The following PFDN1 variants were observed in gnomAD, a reference collection of about 807,000 sequenced individuals.
The protein encoded by PFDN1 is prefoldin subunit 1.
Under a neutral mutation model 17.3 loss-of-function variants are expected in PFDN1, and 6 were observed. The ratio of observed to expected loss-of-function variants is 0.35; its 90% CI spans 0.19 to 0.69. The LOEUF is 0.69. Ranked by LOEUF, PFDN1 falls within the 30% of genes least tolerant of loss-of-function variation. The pLI is 0.65. For synonymous variants in PFDN1, 58 were observed against 50.1 expected (o/e 1.16, Z -0.67); for missense variants, 113 against 146.2 (o/e 0.77, Z 1.17).
chr5:140,247,279 A>AT (rs1764844196), intron 3 of PFDN1, among the ~76,000 whole-genome samples: 1 of 149,470 alleles, frequency 6.7e-6, no homozygotes, highest in South Asian at 2.1e-4. Flanking sequence ...GTGTACCACC[A>AT]TGCCCGGCTA....
At chr5:140,250,482 A>G (rs774388029) in intron 3 of PFDN1, among the ~76,000 whole-genome samples, 1 of 152,032 alleles carries the variant, frequency 6.6e-6, no homozygotes, top group Non-Finnish European at 1.5e-5. Context: ...AATACTCCCT[A>G]TTCTCCTCAC....
rs1561488674 is a variant in PFDN1, at chr5:140,245,498, AAAGAG to A, written c.*471_*475del. On this transcript the variant is annotated 3_prime_UTR_variant, in exon 4 of 4. Transcript: ENST00000261813. The stretch of plus-strand genomic sequence containing the variant: ...CGTTAGTCAAAGGTACAGGAAGGGA[AAAGAG>A]AAGAGGGCAAGGCCCATCCCCCAAG... The A allele has an allele frequency of 4.3e-6, 3 of 702,618 alleles. No homozygotes were observed. Among genetic ancestry groups the A allele is most frequent in the Non-Finnish European group, 7.8e-6 (3 of 385,004 alleles). The allele number at this position is 702,618 out of a possible 1,614,324, so 43.5% of individuals were successfully genotyped here.
intron 3 of PFDN1, among the ~76,000 whole-genome samples, chr5:140,248,091 C>T (rs1422970413): frequency 5.1e-5 from 7 of 137,956 alleles, no homozygotes; most frequent in African/African-American, 8.2e-5. Context: ...TTTTTTGAGA[C>T]GGAATCTCGC....
intron 2 of PFDN1, among the ~76,000 whole-genome samples, chr5:140,286,411 C>CAAAAAAAAAAAA (rs70988742): frequency 3.6e-5 from 3 of 83,508 alleles, no homozygotes; most frequent in African/African-American, 5.1e-5. Flanking sequence ...GACTCTGTCT[C>CAAAAAAAAAAAA]AAAAAAAAAA....
chr5:140,275,849 C>T (rs1446783709), intron 3 of PFDN1, among the ~76,000 whole-genome samples: 1 of 152,012 alleles, frequency 6.6e-6, no homozygotes, highest in Non-Finnish European at 1.5e-5. Context: ...ATCAGTAAAA[C>T]AAGTTAACAG....
intron 2 of PFDN1, among the ~76,000 whole-genome samples, chr5:140,298,750 A>G (rs1305959371): frequency 6.6e-6 from 1 of 151,564 alleles, no homozygotes; most frequent in Non-Finnish European, 1.5e-5. Flanking sequence ...GAATGAGTGT[A>G]TTTTTTACTT....
intron 3 of PFDN1, among the ~76,000 whole-genome samples, chr5:140,267,892 A>G (rs1376777009): frequency 6.6e-6 from 1 of 152,230 alleles, no homozygotes; most frequent in Admixed American, 6.5e-5. Flanking sequence ...GAAACTGATA[A>G]CGTTTCCTGA....
intron 3 of PFDN1, among the ~76,000 whole-genome samples, chr5:140,257,096 G>T (rs1265667915): frequency 6.6e-6 from 1 of 151,884 alleles, no homozygotes; most frequent in African/African-American, 2.4e-5. Context: ...GGTGGCACAC[G>T]CCTGTAATCC....
chr5:140,274,569 G>C (rs1264660097), intron 3 of PFDN1, among the ~76,000 whole-genome samples: 1 of 152,158 alleles, frequency 6.6e-6, no homozygotes, highest in Non-Finnish European at 1.5e-5. Flanking sequence ...TCACAGTTAG[G>C]ATGTATTCTC....
At chr5:140,281,375 T>C in intron 3 of PFDN1, 74 bp downstream of exon 3, 1 of 699,474 alleles carries the variant, frequency 1.4e-6, no homozygotes, top group South Asian at 1.6e-5. Context: ...CAGGCATACA[T>C]TTTCATTTAA....
chr5:140,281,349 A>G, intron 3 of PFDN1, 100 bp downstream of exon 3: 2 of 642,202 alleles, frequency 3.1e-6, no homozygotes, highest in South Asian at 1.8e-5. Flanking sequence ...AAATAATATG[A>G]CATTACTTTG....
chr5:140,258,057 A>C (rs1765012404), intron 3 of PFDN1, among the ~76,000 whole-genome samples: 1 of 152,138 alleles, frequency 6.6e-6, no homozygotes, highest in African/African-American at 2.4e-5. Context: ...CAGAGACAGA[A>C]AGGGTGAGAA....
intron 2 of PFDN1, among the ~76,000 whole-genome samples, chr5:140,295,923 T>G (rs1479857676): frequency 6.6e-6 from 1 of 152,146 alleles, no homozygotes; most frequent in Non-Finnish European, 1.5e-5. Context: ...ACATTGATAT[T>G]ATTATGCATA....
intron 3 of PFDN1, among the ~76,000 whole-genome samples, chr5:140,279,093 CAG>C (rs1362366633): frequency 6.6e-6 from 1 of 151,920 alleles, no homozygotes; most frequent in Admixed American, 6.6e-5. Context: ...TGATGGAAAA[CAG>C]TATATATAGC....
intron 3 of PFDN1, among the ~76,000 whole-genome samples, chr5:140,250,087 A>C (rs543043201): frequency 1.7e-4 from 25 of 149,904 alleles, no homozygotes; most frequent in African/African-American, 5.8e-4. Flanking sequence ...CTCATGACCT[A>C]CTCATCTCCC....
chr5:140,265,517 A>G (rs1765122844), intron 3 of PFDN1, among the ~76,000 whole-genome samples: 1 of 152,116 alleles, frequency 6.6e-6, no homozygotes, highest in South Asian at 2.1e-4. Flanking sequence ...CATATATCCA[A>G]CTGTCTATTC....
chr5:140,258,580 G>A (rs562802717), intron 3 of PFDN1, among the ~76,000 whole-genome samples: 2 of 152,122 alleles, frequency 1.3e-5, no homozygotes, highest in Admixed American at 6.6e-5. Context: ...AGATGAAGAA[G>A]AGCAGATAGA....
intron 2 of PFDN1, among the ~76,000 whole-genome samples, chr5:140,291,834 A>G (rs1765587118): frequency 6.6e-6 from 1 of 152,158 alleles, no homozygotes; most frequent in African/African-American, 2.4e-5. Flanking sequence ...AACGTGCTTC[A>G]AGGAAGAAAG....
At chr5:140,247,686 C>T (rs959284517) in intron 3 of PFDN1, among the ~76,000 whole-genome samples, 2 of 152,210 alleles carry the variant, frequency 1.3e-5, no homozygotes, top group African/African-American at 4.8e-5. Context: ...TGCCTATAAT[C>T]CCAACACTTT....
Sources: gnomAD v4.1 joint callset for allele counts (sites outside exome capture counted in the v4.1 genomes callset) on GRCh38, gnomAD v4.1.1 for gene constraint, MANE v1.5 for transcripts, NCBI Gene and HGNC (gene_info 2026-07-23, HGNC 2026-07-21) for gene names.